Variants in STK39 observed in about 807,000 individuals in gnomAD.
STK39 encodes the protein serine/threonine kinase 39.
A neutral mutation model predicts 77.8 loss-of-function variants in STK39; 20 were observed. The ratio of observed to expected loss-of-function variants is 0.26; its 90% CI spans 0.18 to 0.37. The LOEUF (loss-of-function observed/expected upper bound fraction) is 0.37, where lower values mean the gene tolerates loss of function less well. Among genes scored for constraint, STK39 ranks in the 10% least tolerant of loss-of-function variants. STK39 has a pLI of 1.00. For missense variants in STK39, 479 were observed against 656.5 expected (o/e 0.73, Z 2.95); for synonymous variants, 246 against 234.1 (o/e 1.05, Z -0.47).
intron 14 of STK39, among the ~76,000 whole-genome samples, chr2:168,048,522 T>C (rs1256093630): frequency 1.4e-5 from 1 of 73,564 alleles, no homozygotes; most frequent in East Asian, 3.3e-4. Flanking sequence ...CGGCCCGGCC[T>C]ATGCTTTTTA....
chr2:168,227,256 G>A (rs912302921), intron 1 of STK39, among the ~76,000 whole-genome samples: 2 of 152,040 alleles, frequency 1.3e-5, no homozygotes, highest in African/African-American at 4.8e-5. Context: ...GCCATCTCTG[G>A]GCAATGAAAG....
chr2:168,210,085 G>GGAAGGAAGGAAGGAAGAA (rs1559147727), intron 1 of STK39, among the ~76,000 whole-genome samples: 1 of 142,590 alleles, frequency 7.0e-6, no homozygotes, highest in Admixed American at 6.9e-5. Flanking sequence ...AAGGAAGAAA[G>GGAAGGAAGGAAGGAAGAA]AAACTCATGT....
At chr2:168,053,981 A>G (rs752475753) in intron 14 of STK39, among the ~76,000 whole-genome samples, 3 of 152,250 alleles carry the variant, frequency 2.0e-5, no homozygotes, top group Non-Finnish European at 2.9e-5. Context: ...CAAGCAAGTG[A>G]TGTGACAGTG....
chr2:168,026,887 G>A (rs1415134066), intron 14 of STK39, among the ~76,000 whole-genome samples: 1 of 152,166 alleles, frequency 6.6e-6, no homozygotes, highest in Non-Finnish European at 1.5e-5. Context: ...AGAAGCTGAG[G>A]AGGGAAGATC....
At chr2:168,145,357 G>A (rs1031104430) in intron 5 of STK39, among the ~76,000 whole-genome samples, 14 of 152,122 alleles carry the variant, frequency 9.2e-5, no homozygotes, top group African/African-American at 2.4e-4. Context: ...TCTCTGTGAC[G>A]GGAGACTTTA....
intron 14 of STK39, among the ~76,000 whole-genome samples, chr2:168,051,056 A>C (rs1685382954): frequency 6.6e-6 from 1 of 152,230 alleles, no homozygotes; most frequent in Admixed American, 6.5e-5. Flanking sequence ...AAGACTCAGC[A>C]TCTCAAGGAA....
chr2:167,989,280 G>A (rs1683639010), intron 16 of STK39, among the ~76,000 whole-genome samples: 1 of 152,082 alleles, frequency 6.6e-6, no homozygotes, highest in African/African-American at 2.4e-5. Context: ...AACTTCATTT[G>A]GTGAATGGGG....
intron 2 of STK39, among the ~76,000 whole-genome samples, chr2:168,178,636 T>C (rs1037590348): frequency 1.1e-4 from 16 of 152,240 alleles, no homozygotes; most frequent in Admixed American, 3.3e-4. Flanking sequence ...AATATTACAG[T>C]ACTCATTTCA....
chr2:168,155,286 A>G (rs958836653), intron 5 of STK39, among the ~76,000 whole-genome samples: 9 of 152,126 alleles, frequency 5.9e-5, no homozygotes, highest in African/African-American at 1.4e-4. Flanking sequence ...AATCTCCCCA[A>G]GTATTTCTCA....
At chr2:168,221,582 C>T (rs999050594) in intron 1 of STK39, among the ~76,000 whole-genome samples, 1 of 152,152 alleles carries the variant, frequency 6.6e-6, no homozygotes, top group Non-Finnish European at 1.5e-5. Context: ...CCTTTAGGAT[C>T]AACAGTACAA....
At chr2:168,233,467 C>T (rs960022486) in intron 1 of STK39, among the ~76,000 whole-genome samples, 1 of 152,176 alleles carries the variant, frequency 6.6e-6, no homozygotes, top group African/African-American at 2.4e-5. Context: ...TCATTAATTC[C>T]TTCTCCCAAA....
chr2:168,211,245 TCTCAA>T (rs915461384), intron 1 of STK39, among the ~76,000 whole-genome samples: 7 of 148,332 alleles, frequency 4.7e-5, no homozygotes, highest in African/African-American at 1.7e-4. Context: ...ATCTATCTCA[TCTCAA>T]GAGTGTTACT....
At chr2:168,013,697 G>A (rs1419161642) in intron 15 of STK39, among the ~76,000 whole-genome samples, 2 of 152,122 alleles carry the variant, frequency 1.3e-5, no homozygotes, top group Admixed American at 6.5e-5. Flanking sequence ...GCATCTAAAC[G>A]AAATTGCGGT....
At chr2:168,170,327 T>G (rs1688793071) in intron 2 of STK39, among the ~76,000 whole-genome samples, 1 of 152,188 alleles carries the variant, frequency 6.6e-6, no homozygotes, top group Non-Finnish European at 1.5e-5. Context: ...TTTGTCCCTA[T>G]CCCTAAAAAT....
At chr2:167,956,504 C>T (rs2105511038) in intron 17 of STK39, among the ~76,000 whole-genome samples, 1 of 149,710 alleles carries the variant, frequency 6.7e-6, no homozygotes, top group Non-Finnish European at 1.5e-5. Context: ...GCAGAGGTTG[C>T]AGTGAGCCGA....
chr2:168,107,825 CAT>C (rs1415635958), intron 10 of STK39, among the ~76,000 whole-genome samples: 1 of 152,190 alleles, frequency 6.6e-6, no homozygotes, highest in African/African-American at 2.4e-5. Context: ...TCTGACAACA[CAT>C]GTGAAAAATG....
chr2:168,038,787 C>T (rs1222398104), intron 14 of STK39, among the ~76,000 whole-genome samples: 1 of 152,036 alleles, frequency 6.6e-6, no homozygotes, highest in Non-Finnish European at 1.5e-5. Flanking sequence ...GGCTAAGAAA[C>T]ACATGAGAAA....
chr2:168,230,467 G>A (rs763776497), intron 1 of STK39, among the ~76,000 whole-genome samples: 5 of 152,128 alleles, frequency 3.3e-5, no homozygotes, highest in Non-Finnish European at 5.9e-5. Flanking sequence ...ACACGCGAGC[G>A]AGACCATCTT....
At chr2:168,060,944 C>T (rs1685648430) in intron 14 of STK39, among the ~76,000 whole-genome samples, 1 of 152,136 alleles carries the variant, frequency 6.6e-6, no homozygotes. Flanking sequence ...GATTAAAAGG[C>T]AGGTTAATCA....
Sources: gnomAD v4.1 joint callset for allele counts (sites outside exome capture counted in the v4.1 genomes callset) on GRCh38, gnomAD v4.1.1 for gene constraint, MANE v1.5 for transcripts, NCBI Gene and HGNC (gene_info 2026-07-23, HGNC 2026-07-21) for gene names.